LINGO2: variants seen among roughly 807,000 people sequenced by gnomAD.
LINGO2 encodes the protein leucine-rich repeat and immunoglobulin-like domain-containing nogo receptor-interacting protein 2.
LINGO2 carries 14 observed loss-of-function variants against 30.6 expected under a neutral mutation model. That is an observed-to-expected ratio of 0.46 (90% CI 0.30 to 0.72). The LOEUF is 0.72. Ranked by LOEUF, LINGO2 falls within the 30% of genes least tolerant of loss-of-function variation. The pLI, the probability that LINGO2 is intolerant of heterozygous loss-of-function variation, is 0.07. For missense variants in LINGO2, 729 were observed against 751.7 expected (o/e 0.97, Z 0.35); for synonymous variants, 317 against 288.5 (o/e 1.10, Z -1.00).
At chr9:29,072,611 T>TTATATATA in the LINGO2 span, among the ~76,000 whole-genome samples, 28 of 140,350 alleles carry the variant, frequency 2.0e-4, no homozygotes, top group South Asian at 2.1e-3. Context: ...TGTCTCTCTT[T>TTATATATA]GATATATATA....
At chr9:28,967,065 CA>C in the LINGO2 span, among the ~76,000 whole-genome samples, 28 of 152,054 alleles carry the variant, frequency 1.8e-4, no homozygotes, top group Non-Finnish European at 3.7e-4. Flanking sequence ...CACGCATGAC[CA>C]TACAGTCTGC....
chr9:27,939,594 G>A, the LINGO2 span: 4 of 152,220 alleles, frequency 2.6e-5, no homozygotes, highest in Non-Finnish European at 5.9e-5. Flanking sequence ...TACAGTGTGA[G>A]GCTTAAAGAA....
At chr9:28,369,221 T>C (rs1468762332) in intron 3 of LINGO2, among the ~76,000 whole-genome samples, 1 of 152,238 alleles carries the variant, frequency 6.6e-6, no homozygotes, top group Non-Finnish European at 1.5e-5. Flanking sequence ...CCTTCTGTCA[T>C]GCTACTATGA....
chr9:28,140,833 G>C (rs768991617), intron 4 of LINGO2, among the ~76,000 whole-genome samples: 1 of 151,986 alleles, frequency 6.6e-6, no homozygotes, highest in Non-Finnish European at 1.5e-5. Flanking sequence ...CTAATGTCCT[G>C]TACAGGTCTT....
intron 1 of LINGO2, among the ~76,000 whole-genome samples, chr9:28,659,394 T>C (rs972694188): frequency 6.6e-6 from 1 of 151,948 alleles, no homozygotes; most frequent in African/African-American, 2.4e-5. Flanking sequence ...GGAGGAAAGA[T>C]TACCTTCTTC....
intron 3 of LINGO2, among the ~76,000 whole-genome samples, chr9:28,357,929 T>C (rs1304607385): frequency 1.3e-5 from 2 of 152,082 alleles, no homozygotes; most frequent in Admixed American, 6.6e-5. Context: ...TCCAACAATT[T>C]AAAAAATGTG....
At chr9:28,205,839 A>G (rs575493113) in intron 4 of LINGO2, among the ~76,000 whole-genome samples, 2 of 152,300 alleles carry the variant, frequency 1.3e-5, no homozygotes, top group East Asian at 3.9e-4. Flanking sequence ...AGTGCAGTCT[A>G]AAGTGTCAGC....
At chr9:28,717,733 G>GT in the LINGO2 span, among the ~76,000 whole-genome samples, 1 of 151,846 alleles carries the variant, frequency 6.6e-6, no homozygotes, top group Non-Finnish European at 1.5e-5. Flanking sequence ...TACTAGTCCA[G>GT]TTACCCAGTC....
At chr9:28,837,984 C>T in the LINGO2 span, among the ~76,000 whole-genome samples, 1 of 151,908 alleles carries the variant, frequency 6.6e-6, no homozygotes, top group African/African-American at 2.4e-5. Context: ...TAAAACTATT[C>T]CCTTCAAAGA....
chr9:27,990,471 C>CCT (rs1554650620), intron 5 of LINGO2, among the ~76,000 whole-genome samples: 2 of 77,704 alleles, frequency 2.6e-5, no homozygotes, highest in African/African-American at 3.6e-5. Flanking sequence ...TACCCCCCCC[C>CCT]CTTTTATTTT....
chr9:28,291,034 C>G (rs946684749), intron 4 of LINGO2, among the ~76,000 whole-genome samples: 4 of 152,208 alleles, frequency 2.6e-5, no homozygotes, highest in African/African-American at 9.6e-5. Context: ...GAATTATCCA[C>G]TGGGATTAGG....
At chr9:28,189,697 G>GGA (rs1564029618) in intron 4 of LINGO2, among the ~76,000 whole-genome samples, 1 of 24,072 alleles carries the variant, frequency 4.2e-5, no homozygotes, top group African/African-American at 1.1e-4. Flanking sequence ...GGAAGGAAGG[G>GGA]AGGGAGGAAG....
chr9:29,143,824 A>C, the LINGO2 span, among the ~76,000 whole-genome samples: 1 of 152,082 alleles, frequency 6.6e-6, no homozygotes, highest in East Asian at 1.9e-4. Context: ...TTTTGGTGTC[A>C]TTGTCATGAA....
the LINGO2 span, among the ~76,000 whole-genome samples, chr9:29,021,001 G>C: frequency 6.6e-6 from 1 of 152,044 alleles, no homozygotes; most frequent in Non-Finnish European, 1.5e-5. Flanking sequence ...GCAAAGGTGT[G>C]GAATCAAGGA....
chr9:28,354,211 G>A (rs1820056315), intron 3 of LINGO2, among the ~76,000 whole-genome samples: 1 of 152,090 alleles, frequency 6.6e-6, no homozygotes, highest in South Asian at 2.1e-4. Context: ...AGACATATAT[G>A]TTTTTTAAAT....
intron 4 of LINGO2, among the ~76,000 whole-genome samples, chr9:28,174,868 G>T (rs776633816): frequency 1.3e-5 from 2 of 151,530 alleles, no homozygotes; most frequent in Non-Finnish European, 2.9e-5. Flanking sequence ...TCTTAGAGAT[G>T]GGGGAGAGAG....
At chr9:28,980,240 C>A in the LINGO2 span, among the ~76,000 whole-genome samples, 1 of 152,030 alleles carries the variant, frequency 6.6e-6, no homozygotes, top group Non-Finnish European at 1.5e-5. Flanking sequence ...CACATAGGGC[C>A]CAGCCAACAT....
intron 3 of LINGO2, among the ~76,000 whole-genome samples, chr9:28,298,340 C>T (rs574975780): frequency 2.0e-5 from 3 of 151,836 alleles, no homozygotes; most frequent in East Asian, 1.9e-4. Flanking sequence ...TTCTTTAATG[C>T]TTTCATTTTT....
intron 5 of LINGO2, among the ~76,000 whole-genome samples, chr9:27,951,232 G>A (rs1360136124): frequency 6.6e-6 from 1 of 152,170 alleles, no homozygotes; most frequent in Non-Finnish European, 1.5e-5. Flanking sequence ...TCAGTGCAAG[G>A]TGTTGGAATG....
Sources: allele counts gnomAD v4.1 joint callset (sites outside exome capture counted in the v4.1 genomes callset), GRCh38; gene constraint gnomAD v4.1.1; transcripts MANE v1.5; gene names NCBI Gene and HGNC (gene_info 2026-07-23, HGNC 2026-07-21).